The following FBLN2 variants were observed in gnomAD, a reference collection of about 807,000 sequenced individuals.
FBLN2 encodes fibulin-2.
FBLN2 carries 81 observed loss-of-function variants against 123.7 expected under a neutral mutation model. That is an observed-to-expected ratio of 0.65 (90% CI 0.55 to 0.79). FBLN2 has a LOEUF of 0.79. Ranked by LOEUF, FBLN2 falls within the 30% of genes least tolerant of loss-of-function variation. The pLI, the probability that FBLN2 is intolerant of heterozygous loss-of-function variation, is 0.00. For missense variants in FBLN2, 1,603 were observed against 1,681.3 expected, an observed-to-expected ratio of 0.95 and a Z score of 0.81; for synonymous variants, 699 against 701.4, an observed-to-expected ratio of 1.00 and a Z score of 0.05.
At chr3:13,630,256 C>T (rs79257705) in intron 14 of FBLN2, among the ~76,000 whole-genome samples, 7,295 of 152,270 alleles carry the variant, frequency 0.048, 226 homozygotes, top group Middle Eastern at 0.11. Context: ...ATCCAAGGTC[C>T]GTGTACCTAC....
rs758538186 is a variant in FBLN2 at position 13,614,087 on chromosome 3, C to G, written c.1652C>G (p.Ser551Cys). 1 of 1,613,776 alleles carries G rather than the reference C, an allele frequency of 6.2e-7. No homozygotes were observed. The highest frequency in any genetic ancestry group is 8.5e-7 in the Non-Finnish European group (1 of 1,179,880). Residue 551 changes from serine to cysteine, a missense_variant, in exon 5 of 18, where the codon TCC (serine) becomes TGC (cysteine). Coordinates refer to ENST00000404922, the MANE Select transcript of FBLN2 (RefSeq NM_001004019.2). ...LGYPCNHVML[S>C]CCEGEEPLIV... is the part of the protein sequence containing the mutation. ...TATCCCTGCAATCATGTCATGCTCT[C>G]CTGCTGTGAGGGTGAAGAGCCTCTC...
intron 2 of FBLN2, among the ~76,000 whole-genome samples, chr3:13,600,709 G>A (rs1040494880): frequency 8.0e-5 from 12 of 150,542 alleles, no homozygotes; most frequent in African/African-American, 2.7e-4. Context: ...TCCGCCTCAC[G>A]GGTTCAAGTG....
At position 13,622,273 on chromosome 3, in the gene FBLN2, C is replaced by A. The variant is rs548254914; in HGVS notation, c.2296+358C>A. On this transcript the variant is annotated intron_variant, in intron 9 of 17. Transcript: ENST00000404922. The stretch of plus-strand genomic sequence containing the variant: ...AGGCAGGAGGCCTAGCCAAGCAGGA[C>A]CCCCAGAAGCTCCGTGGCCTTGGAT... Among the ~76,000 whole-genome samples the A allele has an allele frequency of 2.6e-5, 4 of 152,238 alleles. No homozygotes were observed. In the East Asian group the frequency reaches 5.8e-4, roughly 22 times the overall value.
At chr3:13,620,201 A>G (rs1189913408) in intron 8 of FBLN2, among the ~76,000 whole-genome samples, 2 of 152,110 alleles carry the variant, frequency 1.3e-5, no homozygotes, top group African/African-American at 2.4e-5. Context: ...GATCGAGTCA[A>G]TAGGTCTGGG....
At chr3:13,613,397 A>G (rs936417307) in intron 4 of FBLN2, among the ~76,000 whole-genome samples, 3 of 152,208 alleles carry the variant, frequency 2.0e-5, no homozygotes, top group Admixed American at 2.0e-4. Context: ...TTTATTTTTG[A>G]AGAAAAGCAG....
Position 13,618,205 on chromosome 3 carries a change from G to C in FBLN2, c.1859G>C (p.Cys620Ser). Residue 620 changes from cysteine to serine, a missense_variant, in exon 6 of 18, where the codon TGC becomes TCC. By Grantham distance (112) the Cys-to-Ser change is moderately radical. Transcript: ENST00000404922. ...LLPGELCQHL[C>S]INTVGSYHCA... ...CCGGGAGAGCTGTGCCAGCACCTTTGCATCAATACTGTGGGTTCTTACCAC... is the reference window on the plus strand; with the variant it reads ...CCGGGAGAGCTGTGCCAGCACCTTTCCATCAATACTGTGGGTTCTTACCAC... The C allele has an allele frequency of 6.2e-7, 1 of 1,613,916 alleles. No homozygotes were observed. The highest frequency in any genetic ancestry group is 1.1e-5 in the South Asian group (1 of 91,092).
At chr3:13,567,187 G>T (rs1006516895) in intron 1 of FBLN2, among the ~76,000 whole-genome samples, 3 of 146,046 alleles carry the variant, frequency 2.1e-5, no homozygotes, top group Non-Finnish European at 3.0e-5. Context: ...GGACTTGGTG[G>T]ACCGGGTGGT....
chr3:13,577,322 C>T (rs1347154713), intron 2 of FBLN2, among the ~76,000 whole-genome samples: 5 of 151,604 alleles, frequency 3.3e-5, no homozygotes, highest in South Asian at 2.1e-4. Context: ...AGGGGAGGAG[C>T]GAGCCACGCG....
At chr3:13,583,005 G>A (rs1295383687) in intron 2 of FBLN2, among the ~76,000 whole-genome samples, 1 of 152,284 alleles carries the variant, frequency 6.6e-6, no homozygotes, top group East Asian at 1.9e-4. Context: ...GCCTCCAGAT[G>A]TGCAGCAGCG....
chr3:13,620,865 G>A lies in FBLN2; in HGVS notation c.2156-910G>A, dbSNP rs149407685. 4.4e-4 allele frequency among the ~76,000 whole-genome samples: 67 copies of A among 152,306 alleles called. 2 individuals carry two copies. In the Middle Eastern group the frequency reaches 0.024, roughly 54 times the overall value. Reference sequence around the variant, plus strand: ...CTGATGTGGACAAACACCGTCCTACGAGCCCAGAGAGGACAGTAGACTTGC... The same window carrying A: ...CTGATGTGGACAAACACCGTCCTACAAGCCCAGAGAGGACAGTAGACTTGC... On this transcript the variant is annotated intron_variant, in intron 8 of 17. Coordinates refer to ENST00000404922, the MANE Select transcript of FBLN2 (RefSeq NM_001004019.2).
intron 8 of FBLN2, 106 bp from the exon 9 acceptor site, chr3:13,621,669 A>G (rs1705855095): frequency 7.9e-7 from 1 of 1,263,312 alleles, no homozygotes; most frequent in Non-Finnish European, 1.1e-6. Flanking sequence ...GGCCCCAGAC[A>G]GGCCCCTGCC....
chr3:13,570,423 G>A lies in FBLN2; in HGVS notation c.68G>A (p.Ser23Asn). Reference protein sequence around the residue: ...ALGLALALGPSVAAAAPRQDC... With the variant: ...ALGLALALGPNVAAAAPRQDC... ...GGCCTGGCCCTGGCCCTGGGCCCCA[G>A]CGTGGCCGCAGCTGCCCCTCGGCAG... Residue 23 changes from serine to asparagine, a missense_variant, in exon 2 of 18, where the codon AGC (serine) becomes AAC (asparagine). Ser to Asn is a conservative substitution (Grantham distance 46). Transcript: ENST00000404922. 1 of 1,574,558 alleles carries A rather than the reference G, an allele frequency of 6.4e-7. No homozygotes were observed. The highest frequency in any genetic ancestry group is 8.6e-7 in the Non-Finnish European group (1 of 1,161,486).
intron 2 of FBLN2, among the ~76,000 whole-genome samples, chr3:13,593,781 G>A (rs552066095): frequency 6.6e-6 from 1 of 151,200 alleles, no homozygotes; most frequent in Non-Finnish European, 1.5e-5. Flanking sequence ...AGAATTAAGT[G>A]GGTGACATAT....
At chr3:13,569,228 G>T in intron 1 of FBLN2, 1 of 186,276 alleles carries the variant, frequency 5.4e-6, no homozygotes, top group Non-Finnish European at 1.0e-5. Context: ...GGGGAGTTCA[G>T]GCCTAAGGGC....
chr3:13,581,513 G>A (rs948932835), intron 2 of FBLN2, among the ~76,000 whole-genome samples: 2 of 152,066 alleles, frequency 1.3e-5, no homozygotes, highest in Non-Finnish European at 2.9e-5. Context: ...TATGCGTGCC[G>A]TAAACCTCAA....
intron 2 of FBLN2, among the ~76,000 whole-genome samples, chr3:13,597,115 A>G (rs1559412825): frequency 2.0e-5 from 3 of 152,022 alleles, no homozygotes; most frequent in Non-Finnish European, 2.9e-5. Context: ...AATTTTTTGT[A>G]GAGATGGAGT....
At chr3:13,562,356 C>CT (rs377434279) in intron 1 of FBLN2, among the ~76,000 whole-genome samples, 1,438 of 135,114 alleles carry the variant, frequency 0.011, 16 homozygotes, top group Non-Finnish European at 0.016. Flanking sequence ...ATGAAGTTTA[C>CT]TTTTTTTTTT....
intron 5 of FBLN2, among the ~76,000 whole-genome samples, chr3:13,617,778 A>G (rs1705684493): frequency 1.0e-5 from 1 of 97,034 alleles, no homozygotes; most frequent in African/African-American, 4.0e-5. Flanking sequence ...CCACCCACCC[A>G]TCCATCTACC....
chr3:13,636,309 G>A, intron 16 of FBLN2, 136 bp from the exon 17 acceptor site: 1 of 1,024,734 alleles, frequency 9.8e-7, no homozygotes, highest in African/African-American at 1.6e-5. Context: ...GATGGGGCAT[G>A]TGTGTGCAGG....
Sources: allele counts gnomAD v4.1 joint callset (sites outside exome capture counted in the v4.1 genomes callset), GRCh38; gene constraint gnomAD v4.1.1; transcripts MANE v1.5; gene names NCBI Gene and HGNC (gene_info 2026-07-23, HGNC 2026-07-21).